The following NAALADL2 variants were observed in gnomAD, a reference collection of about 807,000 sequenced individuals.
The protein encoded by NAALADL2 is inactive N-acetylated-alpha-linked acidic dipeptidase-like protein 2.
NAALADL2 carries 76 observed loss-of-function variants against 87.2 expected under a neutral mutation model. The ratio of observed to expected loss-of-function variants is 0.87; its 90% CI spans 0.72 to 1.05. The LOEUF (loss-of-function observed/expected upper bound fraction) is 1.05, where lower values mean the gene tolerates loss of function less well. Among genes scored for constraint, NAALADL2 ranks in the 50% least tolerant of loss-of-function variants. The pLI is 0.00. For missense variants in NAALADL2, 1,089 were observed against 945.8 expected (o/e 1.15, Z -1.99); for synonymous variants, 354 against 331.0 (o/e 1.07, Z -0.75).
At chr3:175,577,778 C>T (rs962800508) in intron 10 of NAALADL2, among the ~76,000 whole-genome samples, 3 of 152,092 alleles carry the variant, frequency 2.0e-5, no homozygotes, top group South Asian at 2.1e-4. Flanking sequence ...TTATCCCTTA[C>T]AAAATGTGAA....
chr3:175,167,772 C>T (rs73881414), intron 2 of NAALADL2, among the ~76,000 whole-genome samples: 14 of 152,130 alleles, frequency 9.2e-5, no homozygotes, highest in African/African-American at 3.4e-4. Context: ...AGTTAAAAAA[C>T]AGCATTTTCT....
At chr3:174,937,029 CAG>C (rs1163192956) in intron 1 of NAALADL2, among the ~76,000 whole-genome samples, 6 of 152,000 alleles carry the variant, frequency 3.9e-5, no homozygotes, top group Non-Finnish European at 8.8e-5. Context: ...AAAAAAGAGC[CAG>C]AGAGATAAGA....
At chr3:175,278,585 C>T (rs1332418619) in intron 4 of NAALADL2, among the ~76,000 whole-genome samples, 1 of 151,868 alleles carries the variant, frequency 6.6e-6, no homozygotes, top group Non-Finnish European at 1.5e-5. Flanking sequence ...TCCTTTTTTG[C>T]TTTTAAAGTG....
chr3:175,794,117 C>CA (rs1003062891), intron 13 of NAALADL2, among the ~76,000 whole-genome samples: 14 of 152,124 alleles, frequency 9.2e-5, no homozygotes, highest in African/African-American at 2.7e-4. Context: ...AAGGACAATG[C>CA]AAATATCTGG....
Position 174,751,828 on chromosome 3 carries a change from A to C in NAALADL2, c.-9+14082A>C, listed in dbSNP as rs761702875. Among the ~76,000 whole-genome samples, 10 of 151,038 alleles carry C rather than the reference A, an allele frequency of 6.6e-5. 1 individual carries two copies. Among genetic ancestry groups the C allele is most frequent in the Non-Finnish European group, 1.0e-4 (7 of 67,920 alleles). On this transcript the variant is annotated intron_variant, in intron 3 of 3. Coordinates refer to the NAALADL2 transcript ENST00000434257. The stretch of plus-strand genomic sequence containing the variant: ...TAGGATATTTCCTATGCTATTCATA[A>C]GTGATATTGACTTTAGAGATTATGT...
intron 4 of NAALADL2, among the ~76,000 whole-genome samples, chr3:175,320,346 T>C (rs949848327): frequency 6.6e-6 from 1 of 152,218 alleles, no homozygotes; most frequent in Non-Finnish European, 1.5e-5. Flanking sequence ...GAGGAATCTT[T>C]ACGTTAAATA....
chr3:175,494,135 T>C (rs2149352012), intron 9 of NAALADL2, among the ~76,000 whole-genome samples: 1 of 152,232 alleles, frequency 6.6e-6, no homozygotes, highest in South Asian at 2.1e-4. Flanking sequence ...TCAATGTATA[T>C]TTATTTATAT....
intron 1 of NAALADL2, among the ~76,000 whole-genome samples, chr3:174,952,545 C>G (rs1740528522): frequency 6.6e-6 from 1 of 152,076 alleles, no homozygotes; most frequent in Non-Finnish European, 1.5e-5. Context: ...CTCTGAGCCA[C>G]ACACTACTAG....
At chr3:174,466,457 A>C (rs150431352) in intron 1 of NAALADL2, among the ~76,000 whole-genome samples, 15 of 152,026 alleles carry the variant, frequency 9.9e-5, no homozygotes, top group Non-Finnish European at 1.5e-4. Flanking sequence ...CAATCTCTCT[A>C]TGAGTGGCCA....
intron 11 of NAALADL2, chr3:175,718,208 T>TTG: frequency 1.4e-6 from 1 of 703,376 alleles, no homozygotes; most frequent in Non-Finnish European, 2.1e-6. Flanking sequence ...TTTTTTTTTT[T>TTG]TTTTTTTTTT....
At chr3:174,544,924 G>A (rs1913732) in intron 1 of NAALADL2, among the ~76,000 whole-genome samples, 55,990 of 151,836 alleles carry the variant, frequency 0.37, 12,854 homozygotes, top group Non-Finnish European at 0.51. Flanking sequence ...TGCCCAGGCT[G>A]AAGTGCAGTG....
intron 1 of NAALADL2, among the ~76,000 whole-genome samples, chr3:175,085,884 C>G (rs1454636420): frequency 6.6e-6 from 1 of 152,174 alleles, no homozygotes; most frequent in Admixed American, 6.5e-5. Flanking sequence ...TGCCACTGCA[C>G]TCCAGCCTGG....
intron 3 of NAALADL2, among the ~76,000 whole-genome samples, chr3:174,804,396 A>G (rs534731543): frequency 2.7e-4 from 41 of 152,326 alleles, no homozygotes; most frequent in African/African-American, 7.9e-4. Context: ...TAAATATACT[A>G]TCATGTCGTC....
chr3:175,128,845 T>C lies in NAALADL2; in HGVS notation c.545+31554T>C, dbSNP rs572228667. On this transcript the variant is annotated intron_variant, in intron 2 of 13. Coordinates refer to ENST00000454872, the MANE Select transcript of NAALADL2 (RefSeq NM_207015.3). ...TTAAATTTTATTTTTATTTAAAATA[T>C]TTAACTCACAAAAAATGTATATATT... is the stretch of plus-strand genomic sequence containing the variant. 2.6e-5 allele frequency among the ~76,000 whole-genome samples: 4 copies of C among 152,212 alleles called. No homozygotes were observed. In the East Asian group the frequency reaches 7.7e-4, roughly 29 times the overall value.
intron 12 of NAALADL2, among the ~76,000 whole-genome samples, chr3:175,752,318 C>A (rs1458725796): frequency 6.6e-6 from 1 of 152,038 alleles, no homozygotes; most frequent in Non-Finnish European, 1.5e-5. Flanking sequence ...GTACAACTGG[C>A]ACTTTTAGGT....
rs1238315030 is a variant in NAALADL2 at position 175,639,741 on chromosome 3, T to C, written c.1896+12355T>C. ...AATCACTTACTGGATATGTTTAAAG[T>C]CCTCTCAGTTTAAAATCCTGAATAG... On this transcript the variant is annotated intron_variant, in intron 11 of 13. Coordinates refer to ENST00000454872, the MANE Select transcript of NAALADL2 (RefSeq NM_207015.3). Among the ~76,000 whole-genome samples the C allele has an allele frequency of 3.3e-5, 5 of 152,322 alleles. No homozygotes were observed. In the East Asian group the frequency reaches 9.6e-4, roughly 29 times the overall value.
chr3:175,761,280 C>T (rs1747969892), intron 13 of NAALADL2, among the ~76,000 whole-genome samples: 1 of 152,162 alleles, frequency 6.6e-6, no homozygotes, highest in Admixed American at 6.5e-5. Flanking sequence ...TTGCCTTTTC[C>T]AGAATGTCAC....
intron 11 of NAALADL2, among the ~76,000 whole-genome samples, chr3:175,727,200 T>G (rs1421410429): frequency 6.6e-6 from 1 of 152,142 alleles, no homozygotes; most frequent in Non-Finnish European, 1.5e-5. Context: ...GCAAACCCAG[T>G]GTCTCAGTAA....
intron 2 of NAALADL2, among the ~76,000 whole-genome samples, chr3:175,172,215 A>G (rs979579680): frequency 3.9e-5 from 6 of 152,150 alleles, no homozygotes; most frequent in African/African-American, 1.4e-4. Flanking sequence ...TTGATAATGT[A>G]ATCATATCCC....
Sources: allele counts gnomAD v4.1 joint callset (sites outside exome capture counted in the v4.1 genomes callset), GRCh38; gene constraint gnomAD v4.1.1; transcripts MANE v1.5; gene names NCBI Gene and HGNC (gene_info 2026-07-23, HGNC 2026-07-21).